The following MCPH1 variants were observed in gnomAD, a reference collection of about 807,000 sequenced individuals.
MCPH1 encodes microcephalin 1, also known as microcephalin.
Under a neutral mutation model 84.5 loss-of-function variants are expected in MCPH1, and 104 were observed. The observed-to-expected ratio is 1.23, with a 90% CI of 1.05 to 1.45. The LOEUF (loss-of-function observed/expected upper bound fraction) is 1.45. Ranked by LOEUF, MCPH1 falls within the 40% of genes most tolerant of loss-of-function variation. The pLI is 0.00. For synonymous variants in MCPH1, 514 were observed against 366.8 expected, an observed-to-expected ratio of 1.40 and a Z score of -4.58; for missense variants, 1,498 against 1,005.7, an observed-to-expected ratio of 1.49 and a Z score of -6.62.
chr8:6,618,377 T>C (rs944858321), intron 12 of MCPH1: 1 of 152,366 alleles, frequency 6.6e-6, no homozygotes, highest in African/African-American at 2.4e-5. Context: ...CTGAAGGCAG[T>C]GTCACAGCAC....
chr8:6,593,694 G>C (rs1168906003), intron 12 of MCPH1, among the ~76,000 whole-genome samples: 1 of 152,106 alleles, frequency 6.6e-6, no homozygotes, highest in African/African-American at 2.4e-5. Context: ...TCTTTGCTCT[G>C]GTTGCGGTCT....
At chr8:6,455,320 A>G (rs1805559732) in intron 9 of MCPH1, 68 bp downstream of exon 9, 1 of 1,112,434 alleles carries the variant, frequency 9.0e-7, no homozygotes, top group Non-Finnish European at 1.4e-6. Flanking sequence ...TCTCTGGGTC[A>G]ATGAAACATA....
intron 2 of MCPH1, among the ~76,000 whole-genome samples, chr8:6,410,379 C>G (rs1187005603): frequency 1.3e-5 from 2 of 152,078 alleles, no homozygotes; most frequent in East Asian, 1.9e-4. Context: ...GGCAAATGTA[C>G]TTTGGATTTG....
At chr8:6,411,316 G>A (rs553906906) in intron 2 of MCPH1, among the ~76,000 whole-genome samples, 24 of 152,214 alleles carry the variant, frequency 1.6e-4, no homozygotes, top group African/African-American at 5.8e-4. Context: ...AGCCAGTGAA[G>A]GTTATAGCAT....
chr8:6,487,846 A>G (rs1053292344), intron 11 of MCPH1, among the ~76,000 whole-genome samples: 12 of 152,188 alleles, frequency 7.9e-5, no homozygotes, highest in African/African-American at 2.7e-4. Flanking sequence ...CTGACAGAAC[A>G]TTTTTGCAGC....
intron 12 of MCPH1, among the ~76,000 whole-genome samples, chr8:6,583,911 T>G (rs938687704): frequency 6.8e-6 from 1 of 147,622 alleles, no homozygotes; most frequent in Non-Finnish European, 1.5e-5. Context: ...CTGTTCTAAA[T>G]TTTGCATTTT....
intron 10 of MCPH1, among the ~76,000 whole-genome samples, chr8:6,478,578 G>A: frequency 6.6e-6 from 1 of 152,098 alleles, no homozygotes; most frequent in African/African-American, 2.4e-5. Flanking sequence ...TGGACTTCTT[G>A]TGATACTTAA....
rs191310613 is a variant in MCPH1 at position 6,439,652 on chromosome 8, C to T, written c.580+556C>T. 1.1e-3 allele frequency among the ~76,000 whole-genome samples: 172 copies of T among 152,248 alleles called. 1 individual carries two copies. Among genetic ancestry groups the T allele is most frequent in the African/African-American group, 4.0e-3 (167 of 41,550 alleles). On this transcript the variant is annotated intron_variant, in intron 6 of 13. Transcript: ENST00000344683. ...CCTCAGGTGATACACCCGCCTCGGC[C>T]TCCCAAACGGCTGGGACTGTAATCC...
chr8:6,578,852 A>G lies in MCPH1; in HGVS notation c.2215-42602A>G, dbSNP rs997970259. On this transcript the variant is annotated intron_variant, in intron 12 of 13. Transcript: ENST00000344683. ...GAGCTGCTCTCGGCTCCTTTGGAAG[A>G]GGTTCAACGTTGGGAGCACAGGTTG... is the stretch of plus-strand genomic sequence containing the variant. 1.1e-4 allele frequency among the ~76,000 whole-genome samples: 17 copies of G among 152,194 alleles called. 1 individual carries two copies. Among genetic ancestry groups the G allele is most frequent in the Non-Finnish European group, 5.9e-5 (4 of 68,036 alleles).
chr8:6,527,310 G>A (rs552180103), intron 12 of MCPH1, among the ~76,000 whole-genome samples: 8 of 152,292 alleles, frequency 5.3e-5, no homozygotes, highest in Non-Finnish European at 1.2e-4. Flanking sequence ...GGGTTTGGAG[G>A]ATTACTCTAA....
intron 9 of MCPH1, among the ~76,000 whole-genome samples, chr8:6,459,426 C>T (rs1241244041): frequency 6.6e-6 from 1 of 152,062 alleles, no homozygotes; most frequent in Non-Finnish European, 1.5e-5. Context: ...CAGGTGCACG[C>T]CACATATTTT....
intron 12 of MCPH1, among the ~76,000 whole-genome samples, chr8:6,555,030 T>G (rs79098152): frequency 6.6e-6 from 1 of 151,970 alleles, no homozygotes; most frequent in Admixed American, 6.6e-5. Flanking sequence ...TTCCTTCCCC[T>G]TTTTTTTAAA....
chr8:6,472,289 A>T (rs1807830890), intron 9 of MCPH1, among the ~76,000 whole-genome samples: 1 of 152,332 alleles, frequency 6.6e-6, no homozygotes, highest in South Asian at 2.1e-4. Context: ...TTAATAACAT[A>T]TATTTAACCT....
At chr8:6,433,484 T>G (rs566177652) in intron 4 of MCPH1, among the ~76,000 whole-genome samples, 14 of 151,814 alleles carry the variant, frequency 9.2e-5, no homozygotes, top group Non-Finnish European at 1.8e-4. Context: ...AATACAAAAA[T>G]TAGCCCAACC....
intron 12 of MCPH1, among the ~76,000 whole-genome samples, chr8:6,607,643 C>G (rs1018824584): frequency 1.1e-4 from 16 of 152,164 alleles, no homozygotes; most frequent in Non-Finnish European, 1.9e-4. Context: ...ATAATCGAAT[C>G]ATGGGGGCAG....
At chr8:6,506,845 A>G (rs1051732400) in intron 12 of MCPH1, among the ~76,000 whole-genome samples, 1 of 151,960 alleles carries the variant, frequency 6.6e-6, no homozygotes, top group Non-Finnish European at 1.5e-5. Flanking sequence ...AAGACATGAA[A>G]ATTACTGAAT....
At chr8:6,473,818 T>C in intron 9 of MCPH1, 1 of 1,261,876 alleles carries the variant, frequency 7.9e-7, no homozygotes, top group Non-Finnish European at 1.1e-6. Flanking sequence ...GCAAGAGTGA[T>C]TGTAAAGTAG....
intron 11 of MCPH1, among the ~76,000 whole-genome samples, chr8:6,483,411 T>G (rs1260872552): frequency 6.6e-6 from 1 of 152,230 alleles, no homozygotes; most frequent in Non-Finnish European, 1.5e-5. Flanking sequence ...TGGCACTACC[T>G]GCTTTTGGGG....
chr8:6,496,442 G>T (rs1197987811), intron 11 of MCPH1, among the ~76,000 whole-genome samples: 2 of 152,120 alleles, frequency 1.3e-5, no homozygotes, highest in South Asian at 2.1e-4. Flanking sequence ...CCACAGACTG[G>T]TACCAGGACC....
Sources: gnomAD v4.1 joint callset for allele counts (sites outside exome capture counted in the v4.1 genomes callset) on GRCh38, gnomAD v4.1.1 for gene constraint, MANE v1.5 for transcripts, NCBI Gene and HGNC (gene_info 2026-07-23, HGNC 2026-07-21) for gene names.